DGKB: variants seen among roughly 807,000 people sequenced by gnomAD.
DGKB encodes the protein 90 kDa diacylglycerol kinase.
In DGKB, 67 loss-of-function variants were observed where a neutral mutation model predicts 114.3. That is an observed-to-expected ratio of 0.59 (90% CI 0.48 to 0.72). The LOEUF (loss-of-function observed/expected upper bound fraction) is 0.72, where lower values mean the gene tolerates loss of function less well. Among genes scored for constraint, DGKB ranks in the 30% least tolerant of loss-of-function variants. The probability of loss-of-function intolerance (pLI) is 0.00; values close to 1 mark genes in which losing one functional copy is unlikely to be tolerated. For missense variants in DGKB, 907 were observed against 975.2 expected, an observed-to-expected ratio of 0.93 and a Z score of 0.93; for synonymous variants, 398 against 323.1, an observed-to-expected ratio of 1.23 and a Z score of -2.49.
intron 23 of DGKB, among the ~76,000 whole-genome samples, chr7:14,267,176 A>T (rs1797638957): frequency 6.6e-6 from 1 of 152,216 alleles, no homozygotes; most frequent in Non-Finnish European, 1.5e-5. Context: ...AAAAAAACAG[A>T]AGACAAATGC....
In DGKB at chr7:14,613,393, A is replaced by T. The variant is rs368441912; in HGVS notation, c.1305T>A (p.Thr435=). 44 of 1,567,460 alleles carry T rather than the reference A, an allele frequency of 2.8e-5. No individual in the cohort carries two copies. In the African/African-American group the frequency reaches 5.5e-4, roughly 20 times the overall value. The stretch of plus-strand genomic sequence containing the variant: ...GGTTCACAAAAACTAAAAGTGGGTG[A>T]GTACCAGGCACAGGAGTGACCTATA... The part of the protein sequence containing the change: ...QGLQVTPVPG[T]HPLLVFVNPK... The change falls in exon 16 of 26, where the codon ACT becomes ACA. Residue 435 remains threonine (T), a synonymous_variant. Transcript: ENST00000402815.
intron 9 of DGKB, among the ~76,000 whole-genome samples, chr7:14,691,053 C>T (rs1313969000): frequency 6.6e-6 from 1 of 152,290 alleles, no homozygotes. Context: ...GGTATAGAAT[C>T]TGGTCCCCAT....
chr7:14,648,180 C>T (rs1055297080), intron 13 of DGKB, among the ~76,000 whole-genome samples: 1 of 152,246 alleles, frequency 6.6e-6, no homozygotes, highest in Admixed American at 6.5e-5. Flanking sequence ...GTAGGCTCCA[C>T]CTCTGGGGGC....
intron 1 of DGKB, among the ~76,000 whole-genome samples, chr7:14,921,866 T>C (rs1784522639): frequency 1.3e-5 from 2 of 152,184 alleles, no homozygotes; most frequent in Admixed American, 6.5e-5. Flanking sequence ...TAAATCTACA[T>C]TTTAAAACAG....
chr7:14,901,841 A>AT (rs1783129480), intron 1 of DGKB, among the ~76,000 whole-genome samples: 2 of 152,114 alleles, frequency 1.3e-5, no homozygotes, highest in Non-Finnish European at 1.5e-5. Context: ...AACCAGTTGA[A>AT]GTTGTTTTAT....
intron 23 of DGKB, among the ~76,000 whole-genome samples, chr7:14,271,809 C>T (rs1798309330): frequency 6.6e-6 from 1 of 152,176 alleles, no homozygotes. Flanking sequence ...TTTGTGTGTG[C>T]TGGTGCCAAG....
intron 23 of DGKB, among the ~76,000 whole-genome samples, chr7:14,186,062 G>A (rs1783377608): frequency 6.6e-6 from 1 of 152,134 alleles, no homozygotes; most frequent in Non-Finnish European, 1.5e-5. Flanking sequence ...AAAAGGAACA[G>A]TCAGCAGAGT....
intron 25 of DGKB, among the ~76,000 whole-genome samples, chr7:14,151,968 T>TA (rs1782274809): frequency 6.6e-6 from 1 of 151,970 alleles, no homozygotes; most frequent in Non-Finnish European, 1.5e-5. Flanking sequence ...AAATTCCAGG[T>TA]GTAGGCTCTA....
At chr7:14,441,093 C>T (rs780267192) in intron 21 of DGKB, among the ~76,000 whole-genome samples, 3 of 152,110 alleles carry the variant, frequency 2.0e-5, no homozygotes, top group Non-Finnish European at 4.4e-5. Context: ...CCTGCAACCT[C>T]CACCTCCAGA....
At chr7:14,503,794 C>CGAGT (rs1163931218) in intron 20 of DGKB, among the ~76,000 whole-genome samples, 1 of 151,950 alleles carries the variant, frequency 6.6e-6, no homozygotes, top group Non-Finnish European at 1.5e-5. Flanking sequence ...TGTAAGGCAG[C>CGAGT]GAGTGACTAA....
At position 14,891,010 on chromosome 7, in the gene DGKB, C is replaced by A. The variant is rs565775724; in HGVS notation, c.-188+11582G>T. Among the ~76,000 whole-genome samples the A allele has an allele frequency of 3.3e-5, 5 of 151,122 alleles. No individual in the cohort carries two copies. The East Asian group carries it at 9.7e-4, about 29-fold the overall frequency. ...ACATTATTGAGTATTATCTCCAGAA[C>A]AAGAAAATATAAGTATTACTGTTAA... On this transcript the variant is annotated intron_variant, in intron 1 of 25. Transcript: ENST00000402815.
At chr7:14,199,054 A>G (rs1785440463) in intron 23 of DGKB, among the ~76,000 whole-genome samples, 1 of 152,050 alleles carries the variant, frequency 6.6e-6, no homozygotes, top group Non-Finnish European at 1.5e-5. Context: ...CCCTATCTCT[A>G]AAAGAGAAAT....
chr7:14,241,227 A>G (rs1793595601), intron 23 of DGKB, among the ~76,000 whole-genome samples: 1 of 152,166 alleles, frequency 6.6e-6, no homozygotes, highest in African/African-American at 2.4e-5. Flanking sequence ...AGACAAAATC[A>G]CAATAGAAAA....
chr7:14,494,582 T>G (rs1785040497), intron 20 of DGKB, among the ~76,000 whole-genome samples: 1 of 151,952 alleles, frequency 6.6e-6, no homozygotes, highest in Non-Finnish European at 1.5e-5. Context: ...TTATTAAGAA[T>G]GATAACCACC....
chr7:14,196,601 T>C (rs2128282106), intron 23 of DGKB, among the ~76,000 whole-genome samples: 1 of 152,150 alleles, frequency 6.6e-6, no homozygotes, highest in East Asian at 1.9e-4. Flanking sequence ...TTAAAATTAA[T>C]TCCATTTGTA....
intron 21 of DGKB, among the ~76,000 whole-genome samples, chr7:14,360,853 G>T (rs1183149716): frequency 1.3e-5 from 2 of 151,966 alleles, no homozygotes; most frequent in East Asian, 1.9e-4. Flanking sequence ...TCACTGAAAG[G>T]CCAGTTAATA....
At chr7:14,754,129 C>T (rs569774502) in intron 3 of DGKB, among the ~76,000 whole-genome samples, 181 bp from the exon 4 acceptor site, 1 of 152,160 alleles carries the variant, frequency 6.6e-6, no homozygotes, top group East Asian at 1.9e-4. Context: ...AGTTAGAAAA[C>T]TGATAGAAAT....
At chr7:14,818,132 T>G (rs1844420416) in intron 2 of DGKB, among the ~76,000 whole-genome samples, 1 of 152,134 alleles carries the variant, frequency 6.6e-6, no homozygotes. Context: ...ATGTGAATTC[T>G]TAAGAGCCTT....
At chr7:14,328,309 A>G (rs1022808900) in intron 23 of DGKB, among the ~76,000 whole-genome samples, 5 of 152,112 alleles carry the variant, frequency 3.3e-5, no homozygotes, top group African/African-American at 9.6e-5. Flanking sequence ...TCGTTATTCA[A>G]TATTTTTGAA....
Sources: allele counts gnomAD v4.1 joint callset (sites outside exome capture counted in the v4.1 genomes callset), GRCh38; gene constraint gnomAD v4.1.1; transcripts MANE v1.5; gene names NCBI Gene and HGNC (gene_info 2026-07-23, HGNC 2026-07-21).